RELN: variants seen among roughly 807,000 people sequenced by gnomAD.
RELN encodes the protein reelin.
RELN carries 108 observed loss-of-function variants against 427.6 expected under a neutral mutation model. The ratio of observed to expected loss-of-function variants is 0.25; its 90% CI spans 0.22 to 0.30. The LOEUF is 0.30. Among genes scored for constraint, RELN ranks in the 10% least tolerant of loss-of-function variants. RELN has a pLI of 1.00. For synonymous variants in RELN, 1,524 were observed against 1,513.4 expected (o/e 1.01, Z -0.16); for missense variants, 3,715 against 4,302.8 (o/e 0.86, Z 3.82).
At chr7:103,731,647 T>C (rs1790358010) in intron 6 of RELN, among the ~76,000 whole-genome samples, 1 of 152,072 alleles carries the variant, frequency 6.6e-6, no homozygotes, top group Non-Finnish European at 1.5e-5. Context: ...TTAGAAAAAT[T>C]ACTATAGCAA....
At chr7:103,816,230 T>C (rs1469413646) in intron 3 of RELN, among the ~76,000 whole-genome samples, 1 of 151,968 alleles carries the variant, frequency 6.6e-6, no homozygotes, top group Non-Finnish European at 1.5e-5. Flanking sequence ...CATACAAAAA[T>C]TGGCTGGGCA....
chr7:103,985,508 T>A (rs1797078706), intron 1 of RELN, among the ~76,000 whole-genome samples: 1 of 152,202 alleles, frequency 6.6e-6, no homozygotes, highest in African/African-American at 2.4e-5. Flanking sequence ...TGATGGGGAC[T>A]GAATAAAGCC....
At chr7:103,536,425 A>T (rs1280821132) in intron 45 of RELN, among the ~76,000 whole-genome samples, 2 of 152,068 alleles carry the variant, frequency 1.3e-5, no homozygotes, top group Non-Finnish European at 2.9e-5. Flanking sequence ...CACTGAAATC[A>T]CCTGGATACC....
chr7:103,774,349 T>G (rs1458159912), intron 4 of RELN, among the ~76,000 whole-genome samples: 1 of 151,278 alleles, frequency 6.6e-6, no homozygotes, highest in African/African-American at 2.4e-5. Context: ...GAAAAGGGAT[T>G]AAGATTACAG....
chr7:103,886,207 A>G (rs368223505), intron 2 of RELN, among the ~76,000 whole-genome samples: 32 of 152,326 alleles, frequency 2.1e-4, no homozygotes, highest in East Asian at 1.5e-3. Context: ...GGAAAGGGAA[A>G]AAAACCTACA....
At chr7:103,785,878 T>G (rs1030257763) in intron 3 of RELN, among the ~76,000 whole-genome samples, 2 of 151,874 alleles carry the variant, frequency 1.3e-5, no homozygotes, top group African/African-American at 4.8e-5. Context: ...GCACATTCTA[T>G]AGGATTTAAG....
At chr7:103,492,094 C>A (rs1423232715) in intron 57 of RELN, 68 bp from the exon 58 acceptor site, 1 of 1,244,874 alleles carries the variant, frequency 8.0e-7, no homozygotes, top group East Asian at 2.4e-5. Context: ...TAATTAAAAT[C>A]CCATCCGTCC....
At chr7:103,898,153 T>C (rs918745878) in intron 2 of RELN, among the ~76,000 whole-genome samples, 3 of 151,946 alleles carry the variant, frequency 2.0e-5, no homozygotes, top group Non-Finnish European at 4.4e-5. Context: ...GATATGGGTG[T>C]GTAGTTTTCT....
At chr7:103,611,557 C>A in intron 21 of RELN, 54 bp downstream of exon 21, 2 of 1,344,374 alleles carry the variant, frequency 1.5e-6, no homozygotes, top group Non-Finnish European at 1.0e-6. Flanking sequence ...TTTTGGCTTC[C>A]TAGGTAAAAG....
chr7:103,909,998 T>G (rs1417287575), intron 2 of RELN, among the ~76,000 whole-genome samples: 1 of 139,854 alleles, frequency 7.2e-6, no homozygotes, highest in Non-Finnish European at 1.5e-5. Context: ...TAAATTACCT[T>G]GGGCAGTATG....
At position 103,489,456 on chromosome 7, in the gene RELN, A is replaced by G. The variant is rs117650720; in HGVS notation, c.9763+286T>C. Reference sequence around the variant, plus strand: ...TGAAAGACAGAGAATGTGAGGTACTATACCATATCCTGATTTAGCATATCT... The same window carrying G: ...TGAAAGACAGAGAATGTGAGGTACTGTACCATATCCTGATTTAGCATATCT... On this transcript the variant is annotated intron_variant, in intron 60 of 64. Coordinates refer to ENST00000428762, the MANE Select transcript of RELN (RefSeq NM_005045.4). Among the ~76,000 whole-genome samples, 2,239 of 152,324 alleles carry G rather than the reference A, an allele frequency of 0.015. 46 individuals carry two copies. The highest frequency in any genetic ancestry group is 0.12 in the South Asian group (564 of 4,824).
At chr7:103,564,521 C>T (rs1275401848) in intron 34 of RELN, among the ~76,000 whole-genome samples, 2 of 152,176 alleles carry the variant, frequency 1.3e-5, no homozygotes, top group Non-Finnish European at 2.9e-5. Flanking sequence ...GAGCTAGAGC[C>T]ACAGAAGTTG....
intron 1 of RELN, among the ~76,000 whole-genome samples, chr7:103,963,949 G>T (rs1344193341): frequency 6.6e-6 from 1 of 152,074 alleles, no homozygotes; most frequent in African/African-American, 2.4e-5. Context: ...GACAGCTTGA[G>T]GCCAGGACTT....
At chr7:103,808,931 G>A (rs1037866588) in intron 3 of RELN, among the ~76,000 whole-genome samples, 5 of 152,152 alleles carry the variant, frequency 3.3e-5, no homozygotes, top group African/African-American at 1.2e-4. Context: ...ACATGAGTTT[G>A]CAGATGGAAA....
chr7:103,665,972 G>T (rs1409477727), intron 11 of RELN, among the ~76,000 whole-genome samples: 1 of 150,834 alleles, frequency 6.6e-6, no homozygotes. Flanking sequence ...TCTCTCTTCA[G>T]TTGTTTCTAT....
At chr7:103,504,395 A>G (rs1829139120) in intron 51 of RELN, 1 of 152,202 alleles carries the variant, frequency 6.6e-6, no homozygotes, top group Non-Finnish European at 1.5e-5. Context: ...TGATATTTTT[A>G]TCTATCAGTA....
chr7:103,661,314 A>T lies in RELN; in HGVS notation c.1441+62T>A, dbSNP rs138546320. 3,949 of 1,518,546 alleles carry T rather than the reference A, an allele frequency of 2.6e-3. 13 individuals are homozygous for T. The highest frequency in any genetic ancestry group is 3.3e-3 in the Non-Finnish European group (3,555 of 1,093,360). The allele number at this position is 1,518,546 out of a possible 1,614,324, so 94.1% of individuals were successfully genotyped here. A position where few individuals can be genotyped will look rare whatever the true frequency, so the allele number is the denominator to read the frequency against. On this transcript the variant is annotated intron_variant, in intron 12 of 64. Transcript: ENST00000428762. The stretch of plus-strand genomic sequence containing the variant: ...TGACAACAAACAATCTTACTTCCTC[A>T]GGAATAGGTGCTGGCCTAGGATTTG...
intron 4 of RELN, among the ~76,000 whole-genome samples, chr7:103,768,263 A>G (rs1022477120): frequency 1.3e-5 from 2 of 152,134 alleles, no homozygotes; most frequent in African/African-American, 2.4e-5. Context: ...CGCACCCCAG[A>G]CTAAAGATGG....
intron 7 of RELN, among the ~76,000 whole-genome samples, chr7:103,724,601 C>A (rs1051579774): frequency 6.6e-6 from 1 of 152,126 alleles, no homozygotes; most frequent in Non-Finnish European, 1.5e-5. Context: ...GTGACCTCTG[C>A]TAGCGAACAG....
Sources: gnomAD v4.1 joint callset for allele counts (sites outside exome capture counted in the v4.1 genomes callset) on GRCh38, gnomAD v4.1.1 for gene constraint, MANE v1.5 for transcripts, NCBI Gene and HGNC (gene_info 2026-07-23, HGNC 2026-07-21) for gene names.